The following NTF3 variants were observed in gnomAD, a reference collection of about 807,000 sequenced individuals.
NTF3 encodes the protein neurotrophin-3.
In NTF3, 8 loss-of-function variants were observed where a neutral mutation model predicts 26.3. That is an observed-to-expected ratio of 0.30 (90% CI 0.18 to 0.55). The LOEUF (loss-of-function observed/expected upper bound fraction) is 0.55, where lower values mean the gene tolerates loss of function less well. NTF3 is among the 20% of genes least tolerant of loss of function. The pLI, the probability that NTF3 is intolerant of heterozygous loss-of-function variation, is 0.93. For missense variants in NTF3, 276 were observed against 352.9 expected, an observed-to-expected ratio of 0.78 and a Z score of 1.75; for synonymous variants, 154 against 145.5, an observed-to-expected ratio of 1.06 and a Z score of -0.42.
chr12:5,467,902 T>G (rs1940613099), intron 1 of NTF3, among the ~76,000 whole-genome samples: 1 of 152,228 alleles, frequency 6.6e-6, no homozygotes, highest in South Asian at 2.1e-4. Context: ...TTGGACACCC[T>G]TGAAAGTGGA....
At chr12:5,466,772 G>A (rs1390411003) in intron 1 of NTF3, among the ~76,000 whole-genome samples, 6 of 152,240 alleles carry the variant, frequency 3.9e-5, no homozygotes, top group Non-Finnish European at 2.9e-5. Flanking sequence ...AAGAAATGCT[G>A]TAGGCTGGGT....
At chr12:5,472,086 A>G (rs1252651163) in intron 1 of NTF3, among the ~76,000 whole-genome samples, 1 of 152,178 alleles carries the variant, frequency 6.6e-6, no homozygotes. Context: ...GGCCAATGGT[A>G]AGGTTACCAT....
At position 5,491,398 on chromosome 12, in the gene NTF3, C is replaced by T. The variant is rs559385408; in HGVS notation, c.19-2796C>T. Among the ~76,000 whole-genome samples the T allele has an allele frequency of 3.3e-5, 5 of 152,346 alleles. No individual in the cohort carries two copies. In the South Asian group the frequency reaches 1.0e-3, roughly 32 times the overall value. ...GCCTGCAGATGACTTACTCCCACTA[C>T]TTATTACAAAGTATCATGGCAAGTA... is the stretch of plus-strand genomic sequence containing the variant. On this transcript the variant is annotated intron_variant, in intron 1 of 1. Coordinates refer to ENST00000423158, the MANE Select transcript of NTF3 (RefSeq NM_001102654.2).
intron 1 of NTF3, among the ~76,000 whole-genome samples, chr12:5,482,059 C>G (rs1225653117): frequency 6.6e-6 from 1 of 151,940 alleles, no homozygotes. Flanking sequence ...CATACACACA[C>G]TACACACAGA....
intron 1 of NTF3, among the ~76,000 whole-genome samples, chr12:5,466,808 C>T (rs1224059327): frequency 6.6e-6 from 1 of 152,196 alleles, no homozygotes; most frequent in Non-Finnish European, 1.5e-5. Context: ...GACTGACAGC[C>T]ATCTGCCCTG....
At chr12:5,473,945 C>T (rs1298693072) in intron 1 of NTF3, among the ~76,000 whole-genome samples, 1 of 152,234 alleles carries the variant, frequency 6.6e-6, no homozygotes, top group Non-Finnish European at 1.5e-5. Flanking sequence ...ACATGCGCAT[C>T]TTCAGTCCCC....
intron 1 of NTF3, among the ~76,000 whole-genome samples, chr12:5,443,900 A>C (rs1398362128): frequency 6.6e-6 from 1 of 152,166 alleles, no homozygotes; most frequent in African/African-American, 2.4e-5. Context: ...GAGGCGAGAG[A>C]GAGTACAAGA....
intron 1 of NTF3, among the ~76,000 whole-genome samples, chr12:5,476,981 T>C (rs1298386064): frequency 6.6e-6 from 1 of 152,242 alleles, no homozygotes; most frequent in Non-Finnish European, 1.5e-5. Flanking sequence ...TTTGTATTTT[T>C]AAATTTTTCT....
intron 1 of NTF3, among the ~76,000 whole-genome samples, chr12:5,472,444 C>T (rs1940676940): frequency 6.6e-6 from 1 of 152,134 alleles, no homozygotes; most frequent in African/African-American, 2.4e-5. Flanking sequence ...ATGAATTGGG[C>T]TATCATGATC....
intron 1 of NTF3, among the ~76,000 whole-genome samples, chr12:5,463,034 C>T (rs1157065542): frequency 6.6e-6 from 1 of 152,092 alleles, no homozygotes; most frequent in Non-Finnish European, 1.5e-5. Context: ...AAAGGTTTCA[C>T]CATAGATTAC....
chr12:5,454,081 T>G (rs1285390271), intron 1 of NTF3, among the ~76,000 whole-genome samples: 1 of 152,192 alleles, frequency 6.6e-6, no homozygotes, highest in Non-Finnish European at 1.5e-5. Flanking sequence ...TTGGGTGGCT[T>G]AGCACAACAG....
chr12:5,430,854 C>T (rs1940076622), upstream of NTF3, among the ~76,000 whole-genome samples: 1 of 151,814 alleles, frequency 6.6e-6, no homozygotes, highest in Admixed American at 6.6e-5. Context: ...ATGTGAGGAG[C>T]GGCTGAAGTG....
chr12:5,458,268 T>C (rs906339081), intron 1 of NTF3, among the ~76,000 whole-genome samples: 5 of 152,224 alleles, frequency 3.3e-5, no homozygotes, highest in African/African-American at 7.2e-5. Context: ...GCCTGACTGT[T>C]AGTATGCAGC....
chr12:5,463,040 A>T (rs574570359), intron 1 of NTF3, among the ~76,000 whole-genome samples: 1 of 152,280 alleles, frequency 6.6e-6, no homozygotes, highest in East Asian at 1.9e-4. Context: ...TTCACCATAG[A>T]TTACCTCAAT....
chr12:5,441,896 C>T (rs1940242011), intron 1 of NTF3, among the ~76,000 whole-genome samples: 1 of 152,180 alleles, frequency 6.6e-6, no homozygotes, highest in Non-Finnish European at 1.5e-5. Context: ...CTTTCTTCCC[C>T]ACATCTTAGC....
chr12:5,455,193 C>T (rs1011960448), intron 1 of NTF3, among the ~76,000 whole-genome samples: 5 of 152,202 alleles, frequency 3.3e-5, no homozygotes, highest in Non-Finnish European at 7.3e-5. Context: ...TGCCTGCCTG[C>T]GCTCTTGAAA....
At chr12:5,458,868 C>A (rs1940487027) in intron 1 of NTF3, among the ~76,000 whole-genome samples, 1 of 152,016 alleles carries the variant, frequency 6.6e-6, no homozygotes, top group Admixed American at 6.6e-5. Context: ...CACACATACA[C>A]ACACACACAC....
chr12:5,494,768 C>A lies in NTF3; in HGVS notation c.593C>A (p.Pro198His), dbSNP rs1370627142. 6.2e-7 allele frequency: 1 copy of A among 1,614,020 alleles called. No homozygotes were observed. The highest frequency in any genetic ancestry group is 1.3e-5 in the African/African-American group (1 of 74,908). Residue 198 changes from proline to histidine, a missense_variant, in exon 2 of 2, where the codon CCC becomes CAC. Pro to His is a moderately conservative substitution (Grantham distance 77, BLOSUM62 -2). This residue lies in a region of NTF3 where 3 missense variants were observed against 16.3 expected (regional missense o/e 0.18). Transcript: ENST00000423158. The surrounding 1 kb of genome is among the most constrained non-coding windows in gnomAD (Gnocchi z 8.3). ...VLGEIKTGNS[P>H]VKQYFYETRC... ...GGGGAGATCAAAACGGGCAACTCTC[C>A]CGTCAAACAATATTTTTATGAAACG...
Position 5,494,283 on chromosome 12 carries a change from A to T in NTF3, c.108A>T (p.Gln36His). Residue 36 changes from glutamine (Q) to histidine (H), a missense_variant, in exon 2 of 2, where the codon CAA becomes CAT. Coordinates refer to ENST00000423158, the MANE Select transcript of NTF3 (RefSeq NM_001102654.2). This position sits in a 1 kb window ranked among gnomAD's most constrained non-coding sequence, Gnocchi z 8.3. ...GCATCCAAGGTAACAACATGGATCA[A>T]AGGAGTTTGCCAGAAGACTCGCTCA... is the stretch of plus-strand genomic sequence containing the variant. Reference protein sequence around the residue: ...LRGIQGNNMDQRSLPEDSLNS... With the variant: ...LRGIQGNNMDHRSLPEDSLNS... The T allele has an allele frequency of 6.2e-7, 1 of 1,614,136 alleles. No homozygotes were observed. Among genetic ancestry groups the T allele is most frequent in the Non-Finnish European group, 8.5e-7 (1 of 1,180,022 alleles).
Sources: gnomAD v4.1 joint callset for allele counts (sites outside exome capture counted in the v4.1 genomes callset) on GRCh38, gnomAD v4.1.1 for gene constraint, gnomAD v4.1.1 regional missense constraint, Gnocchi (gnomAD v3.1) non-coding constraint, MANE v1.5 for transcripts, NCBI Gene and HGNC (gene_info 2026-07-23, HGNC 2026-07-21) for gene names.